OPHN1: variants seen among roughly 807,000 people sequenced by gnomAD.
OPHN1 encodes oligophrenin 1.
A neutral mutation model predicts 60.7 loss-of-function variants in OPHN1; 11 were observed. The ratio of observed to expected loss-of-function variants is 0.18; its 90% CI spans 0.11 to 0.30. The LOEUF is 0.30. OPHN1 is among the 10% of genes least tolerant of loss of function. OPHN1 has a pLI of 1.00. For missense variants in OPHN1, 449 were observed against 611.0 expected, an observed-to-expected ratio of 0.73 and a Z score of 2.80; for synonymous variants, 226 against 222.6, an observed-to-expected ratio of 1.02 and a Z score of -0.14.
intron 6 of OPHN1, among the ~76,000 whole-genome samples, chrX:68,234,213 C>G (rs1286624449): frequency 9.1e-6 from 1 of 110,295 alleles, no homozygotes; most frequent in Non-Finnish European, 1.9e-5. Flanking sequence ...TTTGGACTTG[C>G]AATTGAAAGG....
chrX:68,183,684 A>AT (rs1569235974), intron 15 of OPHN1, among the ~76,000 whole-genome samples: 1 of 112,052 alleles, frequency 8.9e-6, no homozygotes, highest in Non-Finnish European at 1.9e-5. Flanking sequence ...CAATTAAAAA[A>AT]TTACTATTCT....
chrX:68,085,801 T>C (rs1311993603), intron 19 of OPHN1, among the ~76,000 whole-genome samples: 1 of 112,039 alleles, frequency 8.9e-6, no homozygotes, highest in African/African-American at 3.2e-5. Context: ...CTCTACCTAA[T>C]GCCCCAGTGG....
chrX:68,049,111 T>C (rs2076842098), intron 23 of OPHN1, among the ~76,000 whole-genome samples: 1 of 111,282 alleles, frequency 9.0e-6, no homozygotes, highest in Admixed American at 9.5e-5. Flanking sequence ...CAGGCTACTA[T>C]TCACATTGTA....
At chrX:68,357,385 G>A (rs1187969042) in intron 2 of OPHN1, among the ~76,000 whole-genome samples, 2 of 110,218 alleles carry the variant, frequency 1.8e-5, no homozygotes, top group African/African-American at 3.3e-5. Flanking sequence ...TATATCTCCT[G>A]ATGCTATCCC....
chrX:68,301,617 T>C (rs972581465), intron 2 of OPHN1, among the ~76,000 whole-genome samples: 1 of 111,405 alleles, frequency 9.0e-6, no homozygotes, highest in Admixed American at 9.6e-5. Context: ...AATCCATAGA[T>C]AACCTAGAAA....
At chrX:68,090,485 C>A (rs2077013423) in intron 19 of OPHN1, among the ~76,000 whole-genome samples, 1 of 111,076 alleles carries the variant, frequency 9.0e-6, no homozygotes, top group Non-Finnish European at 1.9e-5. Flanking sequence ...ACAAACACCA[C>A]CTTTTAGAGA....
At chrX:68,118,466 AATCT>A (rs1471000824) in intron 16 of OPHN1, among the ~76,000 whole-genome samples, 1 of 111,881 alleles carries the variant, frequency 8.9e-6, no homozygotes, top group Non-Finnish European at 1.9e-5. Context: ...TCTGAAACCC[AATCT>A]ATTTTAGATT....
intron 18 of OPHN1, among the ~76,000 whole-genome samples, chrX:68,101,330 C>A (rs1249285841): frequency 8.9e-6 from 1 of 112,128 alleles, no homozygotes; most frequent in Non-Finnish European, 1.9e-5. Flanking sequence ...CAAGTTCATG[C>A]ATATGGAGGC....
intron 2 of OPHN1, among the ~76,000 whole-genome samples, chrX:68,412,771 T>A (rs1000831258): frequency 1.8e-5 from 2 of 111,780 alleles, no homozygotes; most frequent in Non-Finnish European, 3.8e-5. Context: ...TGAGAAGAAC[T>A]TGCCTAAAAT....
intron 4 of OPHN1, among the ~76,000 whole-genome samples, chrX:68,280,594 A>G (rs1419844851): frequency 8.9e-6 from 1 of 111,935 alleles, no homozygotes; most frequent in East Asian, 2.8e-4. Flanking sequence ...AATAGCTTTA[A>G]CAAAACTGAG....
At chrX:68,149,354 A>T (rs941294599) in intron 15 of OPHN1, among the ~76,000 whole-genome samples, 6 of 112,094 alleles carry the variant, frequency 5.4e-5, no homozygotes, top group Admixed American at 4.7e-4. Flanking sequence ...TTAGCTAACA[A>T]GCATTAAATT....
At chrX:68,227,263 C>T (rs1243899410) in intron 6 of OPHN1, among the ~76,000 whole-genome samples, 6 of 111,129 alleles carry the variant, frequency 5.4e-5, no homozygotes, top group South Asian at 7.8e-4. Context: ...AAAGCAAGTC[C>T]TTAGAGACCG....
chrX:68,157,452 T>A (rs768975925), intron 15 of OPHN1, among the ~76,000 whole-genome samples: 1 of 112,018 alleles, frequency 8.9e-6, no homozygotes, highest in East Asian at 2.8e-4. Context: ...CTGGAGGCCA[T>A]AATTTTAAGC....
chrX:68,096,491 A>G (rs1381163951), intron 19 of OPHN1, among the ~76,000 whole-genome samples: 2 of 111,562 alleles, frequency 1.8e-5, no homozygotes. Flanking sequence ...GAAACTAGCA[A>G]TGGGTGAGAA....
chrX:68,423,933 G>A (rs1285399992), intron 2 of OPHN1, among the ~76,000 whole-genome samples: 1 of 111,497 alleles, frequency 9.0e-6, no homozygotes, highest in Non-Finnish European at 1.9e-5. Context: ...TTCAGAGGCC[G>A]AGGTGGGCTG....
In OPHN1 at chrX:68,305,307, G is replaced by A. The variant is rs770393889; in HGVS notation, c.155-6211C>T. ...GCTGAAGTGGCAAGAGGTCGAGACTGTAGCGAGCAGTGATCATACCACTGC... is the reference window on the plus strand; with the variant it reads ...GCTGAAGTGGCAAGAGGTCGAGACTATAGCGAGCAGTGATCATACCACTGC... On this transcript the variant is annotated intron_variant, in intron 2 of 24. Transcript: ENST00000355520. 2.7e-5 allele frequency among the ~76,000 whole-genome samples: 3 copies of A among 111,997 alleles called. No homozygotes were observed. The South Asian group carries it at 1.1e-3, about 42-fold the overall frequency.
intron 19 of OPHN1, among the ~76,000 whole-genome samples, chrX:68,078,681 G>C (rs770467647): frequency 9.0e-6 from 1 of 111,143 alleles, no homozygotes; most frequent in African/African-American, 3.3e-5. Context: ...AGAAAAGGGA[G>C]GTCATTAGAA....
intron 2 of OPHN1, among the ~76,000 whole-genome samples, chrX:68,366,293 A>G (rs1312344337): frequency 9.0e-6 from 1 of 111,113 alleles, no homozygotes. Context: ...AATGATGGTG[A>G]TATGATAATT....
At chrX:68,157,355 A>G (rs1285352311) in intron 15 of OPHN1, among the ~76,000 whole-genome samples, 1 of 112,208 alleles carries the variant, frequency 8.9e-6, no homozygotes, top group Non-Finnish European at 1.9e-5. Context: ...TATGTTGGAT[A>G]AAGAAACTGT....
Sources: gnomAD v4.1 joint callset for allele counts (sites outside exome capture counted in the v4.1 genomes callset) on GRCh38, gnomAD v4.1.1 for gene constraint, MANE v1.5 for transcripts, NCBI Gene and HGNC (gene_info 2026-07-23, HGNC 2026-07-21) for gene names.